Variants in VPS13B observed in about 807,000 individuals in gnomAD.
VPS13B encodes the protein intermembrane lipid transfer protein VPS13B.
In VPS13B, 285 loss-of-function variants were observed where a neutral mutation model predicts 426.4. That is an observed-to-expected ratio of 0.67 (90% CI 0.61 to 0.74). VPS13B has a LOEUF of 0.74. Ranked by LOEUF, VPS13B falls within the 30% of genes least tolerant of loss-of-function variation. The probability of loss-of-function intolerance (pLI) is 0.00; values close to 1 mark genes in which losing one functional copy is unlikely to be tolerated. For synonymous variants in VPS13B, 1,676 were observed against 1,676.4 expected (o/e 1.00, Z 0.01); for missense variants, 4,537 against 4,782.6 (o/e 0.95, Z 1.51).
At chr8:99,620,642 C>T (rs1362917241) in intron 33 of VPS13B, among the ~76,000 whole-genome samples, 2 of 151,976 alleles carry the variant, frequency 1.3e-5, no homozygotes, top group Non-Finnish European at 2.9e-5. Context: ...TCAGAAGACA[C>T]CCCTCTCAGT....
intron 16 of VPS13B, among the ~76,000 whole-genome samples, chr8:99,171,865 G>A (rs1349512225): frequency 6.6e-6 from 1 of 152,086 alleles, no homozygotes; most frequent in African/African-American, 2.4e-5. Flanking sequence ...TGGTTTTAGT[G>A]CAGTTTGAAT....
chr8:99,718,732 T>C (rs1426888365), intron 37 of VPS13B, among the ~76,000 whole-genome samples: 1 of 151,792 alleles, frequency 6.6e-6, no homozygotes, highest in Non-Finnish European at 1.5e-5. Context: ...AGTGGTGTGA[T>C]AACAGCTCAC....
intron 3 of VPS13B, among the ~76,000 whole-genome samples, chr8:99,045,060 C>G (rs143527920): frequency 6.6e-6 from 1 of 152,126 alleles, no homozygotes; most frequent in African/African-American, 2.4e-5. Flanking sequence ...TTTTCCACTG[C>G]GTAGATACCC....
At chr8:99,214,043 T>C (rs777619795) in intron 17 of VPS13B, among the ~76,000 whole-genome samples, 61 of 152,198 alleles carry the variant, frequency 4.0e-4, no homozygotes, top group Non-Finnish European at 7.3e-4. Flanking sequence ...TTATTCATTA[T>C]ATTATATTTG....
chr8:99,774,840 T>C (rs1223370879), intron 40 of VPS13B, among the ~76,000 whole-genome samples: 1 of 152,242 alleles, frequency 6.6e-6, no homozygotes, highest in Non-Finnish European at 1.5e-5. Flanking sequence ...GTGCCCATTA[T>C]AGATGTTTTA....
chr8:99,032,532 C>CTTT (rs372714195), intron 2 of VPS13B, among the ~76,000 whole-genome samples: 1 of 135,646 alleles, frequency 7.4e-6, no homozygotes, highest in African/African-American at 2.7e-5. Flanking sequence ...TCTTTCTTTT[C>CTTT]TTTTTTTTTT....
Position 99,732,215 on chromosome 8 carries a change from A to G in VPS13B, c.7050+11168A>G, listed in dbSNP as rs561705765. ...AATAGAAGTTTATTTCCTTTCACAC[A>G]TGGGAACAGTCTGGAGGTTAGTGAT... On this transcript the variant is annotated intron_variant, in intron 39 of 61. Coordinates refer to ENST00000357162, the MANE Select transcript of VPS13B (RefSeq NM_152564.5). 2.0e-4 allele frequency among the ~76,000 whole-genome samples: 30 copies of G among 152,308 alleles called. No individual in the cohort carries two copies. The East Asian group carries it at 3.5e-3, about 18-fold the overall frequency.
intron 15 of VPS13B, among the ~76,000 whole-genome samples, chr8:99,159,068 A>G (rs1356909997): frequency 2.6e-5 from 4 of 152,206 alleles, no homozygotes; most frequent in African/African-American, 9.6e-5. Flanking sequence ...TACATTAACA[A>G]GAGTTTGGAA....
chr8:99,435,700 G>A (rs536735361), intron 22 of VPS13B, among the ~76,000 whole-genome samples: 1 of 152,270 alleles, frequency 6.6e-6, no homozygotes, highest in South Asian at 2.1e-4. Flanking sequence ...GATAAAATCA[G>A]CAGGACTTAG....
chr8:99,561,416 T>C (rs1413568282), intron 31 of VPS13B, among the ~76,000 whole-genome samples: 2 of 152,216 alleles, frequency 1.3e-5, no homozygotes, highest in Non-Finnish European at 2.9e-5. Context: ...CGAATAATAT[T>C]CCACTGTGTG....
chr8:99,725,619 G>A (rs940849961), intron 39 of VPS13B, among the ~76,000 whole-genome samples: 1 of 152,160 alleles, frequency 6.6e-6, no homozygotes, highest in Admixed American at 6.5e-5. Context: ...TCGCAGTAGA[G>A]ATGTTCAATA....
At chr8:99,253,104 T>C (rs986346286) in intron 17 of VPS13B, among the ~76,000 whole-genome samples, 7 of 152,160 alleles carry the variant, frequency 4.6e-5, no homozygotes, top group African/African-American at 1.4e-4. Context: ...ATCTTTTGTA[T>C]CTGGTTTATT....
chr8:99,396,042 A>C (rs1423092894), intron 21 of VPS13B, among the ~76,000 whole-genome samples: 1 of 152,186 alleles, frequency 6.6e-6, no homozygotes, highest in Non-Finnish European at 1.5e-5. Context: ...GAAACATGCC[A>C]AAATGAAGCA....
At chr8:99,189,285 A>C (rs557542568) in intron 16 of VPS13B, among the ~76,000 whole-genome samples, 2 of 152,344 alleles carry the variant, frequency 1.3e-5, no homozygotes. Flanking sequence ...TGAATTGTGC[A>C]CATAAATTGA....
chr8:99,828,411 T>G lies in VPS13B; in HGVS notation c.9331-3958T>G, dbSNP rs1170959744. Reference sequence around the variant, plus strand: ...CAACCACCGTTTTTTTTTTTTTTTTTTTTTTTTTTTTTTTTTTTTTTTTGC... The same window carrying G: ...CAACCACCGTTTTTTTTTTTTTTTTGTTTTTTTTTTTTTTTTTTTTTTTGC... On this transcript the variant is annotated intron_variant, in intron 51 of 61. Coordinates refer to ENST00000357162, the MANE Select transcript of VPS13B (RefSeq NM_152564.5). 7.1e-4 allele frequency among the ~76,000 whole-genome samples: 78 copies of G among 110,616 alleles called. 9 individuals are homozygous for G. Among genetic ancestry groups the G allele is most frequent in the Non-Finnish European group, 1.1e-3 (61 of 53,300 alleles). The allele number at this position is 110,616 out of a possible 152,430, so 72.6% of individuals were successfully genotyped here.
chr8:99,384,100 T>C lies in VPS13B; in HGVS notation c.2825-108T>C, dbSNP rs1563699968. Reference sequence around the variant, plus strand: ...TCCTCCACATCCTTTCCAACGCTTGTTACTGTTTGTCTGTTATGTCATAGC... The same window carrying C: ...TCCTCCACATCCTTTCCAACGCTTGCTACTGTTTGTCTGTTATGTCATAGC... On this transcript the variant is annotated intron_variant, in intron 19 of 61. Coordinates refer to ENST00000357162, the MANE Select transcript of VPS13B (RefSeq NM_152564.5). 3.2e-6 allele frequency: 3 copies of C among 932,922 alleles called. No homozygotes were observed. In the East Asian group the frequency reaches 7.2e-5, roughly 23 times the overall value. The allele number at this position is 932,922 out of a possible 1,614,324, so 57.8% of individuals were successfully genotyped here.
chr8:99,024,492 G>A (rs777919023), intron 2 of VPS13B, among the ~76,000 whole-genome samples: 8 of 152,124 alleles, frequency 5.3e-5, no homozygotes, highest in Non-Finnish European at 8.8e-5. Flanking sequence ...GTGAGAGATC[G>A]GGATCTAGTG....
chr8:99,419,857 G>A (rs1259291421), intron 21 of VPS13B, among the ~76,000 whole-genome samples: 1 of 146,090 alleles, frequency 6.8e-6, no homozygotes, highest in Non-Finnish European at 1.5e-5. Context: ...ACTATGCAAG[G>A]CATTATACTA....
At chr8:99,168,660 T>C (rs1213676889) in intron 15 of VPS13B, among the ~76,000 whole-genome samples, 1 of 152,014 alleles carries the variant, frequency 6.6e-6, no homozygotes, top group Non-Finnish European at 1.5e-5. Flanking sequence ...AGAACAGGTC[T>C]TCAAAAAGAA....
Sources: allele counts gnomAD v4.1 joint callset (sites outside exome capture counted in the v4.1 genomes callset), GRCh38; gene constraint gnomAD v4.1.1; transcripts MANE v1.5; gene names NCBI Gene and HGNC (gene_info 2026-07-23, HGNC 2026-07-21).